Variants in CLIC4 observed in about 807,000 individuals in gnomAD.
CLIC4 encodes chloride intracellular channel protein 4.
Under a neutral mutation model 24.6 loss-of-function variants are expected in CLIC4, and 13 were observed. The ratio of observed to expected loss-of-function variants is 0.53; its 90% CI spans 0.34 to 0.84. The LOEUF (loss-of-function observed/expected upper bound fraction) is 0.84. Among genes scored for constraint, CLIC4 ranks in the 40% least tolerant of loss-of-function variants. The pLI is 0.01. For missense variants in CLIC4, 227 were observed against 301.7 expected (o/e 0.75, Z 1.83); for synonymous variants, 104 against 111.3 (o/e 0.93, Z 0.41).
chr1:24,784,765 G>C (rs1310790226), intron 1 of CLIC4, among the ~76,000 whole-genome samples: 2 of 152,074 alleles, frequency 1.3e-5, no homozygotes, highest in African/African-American at 4.8e-5. Flanking sequence ...CAGCACTTTG[G>C]GAGGCCGAGG....
chr1:24,824,675 C>T (rs188185152), intron 3 of CLIC4, among the ~76,000 whole-genome samples: 34 of 152,100 alleles, frequency 2.2e-4, no homozygotes, highest in African/African-American at 6.0e-4. Flanking sequence ...GGTGAACATT[C>T]TCTTATAGCT....
intron 2 of CLIC4, among the ~76,000 whole-genome samples, chr1:24,804,242 T>C (rs1433671498): frequency 6.6e-6 from 1 of 151,982 alleles, no homozygotes; most frequent in Non-Finnish European, 1.5e-5. Flanking sequence ...GACTCCATTT[T>C]TCCCCTTTGT....
intron 1 of CLIC4, among the ~76,000 whole-genome samples, chr1:24,785,915 AAGCCAG>A (rs1639262960): frequency 6.6e-6 from 1 of 151,922 alleles, no homozygotes; most frequent in African/African-American, 2.4e-5. Flanking sequence ...TAGGTAATAG[AAGCCAG>A]ATGACTTTGC....
intron 2 of CLIC4, among the ~76,000 whole-genome samples, chr1:24,811,028 G>A (rs1241006246): frequency 2.0e-5 from 3 of 151,146 alleles, no homozygotes; most frequent in South Asian, 2.1e-4. Flanking sequence ...GTAGTGAGCC[G>A]AGATCGCACC....
intron 1 of CLIC4, among the ~76,000 whole-genome samples, chr1:24,796,309 C>T (rs1322560867): frequency 2.0e-4 from 31 of 152,246 alleles, no homozygotes; most frequent in Non-Finnish European, 1.5e-5. Flanking sequence ...CTGCCTCAGC[C>T]TCGCAAGTAG....
intron 2 of CLIC4, among the ~76,000 whole-genome samples, chr1:24,799,769 G>A (rs531843957): frequency 0.2 from 19,632 of 99,582 alleles, 2,570 homozygotes; most frequent in Admixed American, 0.29. Context: ...CCCCCTGCCC[G>A]GCCAGCTGCC....
chr1:24,754,422 C>G (rs962311541), intron 1 of CLIC4, among the ~76,000 whole-genome samples: 3 of 152,062 alleles, frequency 2.0e-5, no homozygotes, highest in African/African-American at 7.2e-5. Context: ...AGCTGTGGAG[C>G]CTCCGTGTTC....
chr1:24,796,654 C>G (rs1404916178), intron 1 of CLIC4, among the ~76,000 whole-genome samples: 1 of 152,192 alleles, frequency 6.6e-6, no homozygotes, highest in Non-Finnish European at 1.5e-5. Context: ...GTGTAGTAGG[C>G]TATCTCATCT....
At chr1:24,800,551 C>T (rs1639475842) in intron 2 of CLIC4, among the ~76,000 whole-genome samples, 1 of 152,208 alleles carries the variant, frequency 6.6e-6, no homozygotes, top group African/African-American at 2.4e-5. Context: ...GGCCACCACC[C>T]CGTCTGGGAG....
intron 2 of CLIC4, among the ~76,000 whole-genome samples, chr1:24,808,903 C>T (rs1400319584): frequency 6.6e-6 from 1 of 152,020 alleles, no homozygotes; most frequent in African/African-American, 2.4e-5. Context: ...GTCTCAAACT[C>T]CCGACCTCAA....
At chr1:24,840,479 C>T (rs1342520935) in intron 5 of CLIC4, among the ~76,000 whole-genome samples, 2 of 152,160 alleles carry the variant, frequency 1.3e-5, no homozygotes, top group Non-Finnish European at 2.9e-5. Context: ...AAAAACAGAT[C>T]TAAAATAGCA....
chr1:24,751,070 G>T (rs931805763), intron 1 of CLIC4, among the ~76,000 whole-genome samples: 1 of 152,082 alleles, frequency 6.6e-6, no homozygotes, highest in Non-Finnish European at 1.5e-5. Flanking sequence ...TTTGGAATTA[G>T]AAACCACTTA....
chr1:24,807,039 C>G (rs1639557666), intron 2 of CLIC4, among the ~76,000 whole-genome samples: 2 of 152,002 alleles, frequency 1.3e-5, no homozygotes, highest in Non-Finnish European at 2.9e-5. Context: ...GGCGTGCTCT[C>G]TAGTCCCAGC....
At position 24,796,803 on chromosome 1, in the gene CLIC4, C is replaced by G. The variant is rs562698300; in HGVS notation, c.73-939C>G. Reference sequence around the variant, plus strand: ...AAATGAAACAAAAAAATTCAGTTCACTTGAACTAGCCCCATTACATACTCC... The same window carrying G: ...AAATGAAACAAAAAAATTCAGTTCAGTTGAACTAGCCCCATTACATACTCC... On this transcript the variant is annotated intron_variant, in intron 1 of 5. Coordinates refer to ENST00000374379, the MANE Select transcript of CLIC4 (RefSeq NM_013943.3). 1.7e-4 allele frequency among the ~76,000 whole-genome samples: 26 copies of G among 152,192 alleles called. No individual in the cohort carries two copies. In the South Asian group the frequency reaches 2.5e-3, roughly 15 times the overall value.
At chr1:24,781,309 ATT>A (rs540750422) in intron 1 of CLIC4, among the ~76,000 whole-genome samples, 2 of 140,234 alleles carry the variant, frequency 1.4e-5, no homozygotes, top group Non-Finnish European at 1.5e-5. Context: ...AAATTTTTGT[ATT>A]TTTTTTTTTT....
intron 2 of CLIC4, among the ~76,000 whole-genome samples, chr1:24,811,163 A>G (rs1349936730): frequency 1.3e-5 from 2 of 152,164 alleles, no homozygotes; most frequent in African/African-American, 4.8e-5. Flanking sequence ...AACATTTTTA[A>G]TGTAAAACAA....
chr1:24,780,208 G>A (rs1445851471), intron 1 of CLIC4, among the ~76,000 whole-genome samples: 5 of 152,254 alleles, frequency 3.3e-5, no homozygotes, highest in Admixed American at 3.3e-4. Context: ...CAACCATTAT[G>A]TGTACAAAGC....
chr1:24,761,258 T>C (rs1211328098), intron 1 of CLIC4, among the ~76,000 whole-genome samples: 1 of 152,130 alleles, frequency 6.6e-6, no homozygotes, highest in Non-Finnish European at 1.5e-5. Context: ...TCATAGAACC[T>C]ATCATCTACT....
Position 24,792,662 on chromosome 1 carries a change from C to T in CLIC4, c.73-5080C>T, listed in dbSNP as rs552404760. On this transcript the variant is annotated intron_variant, in intron 1 of 5. Transcript: ENST00000374379. The stretch of plus-strand genomic sequence containing the variant: ...GTAAAAAAGGGACTTTTTTCAGGTC[C>T]GTCTTGAAGAATATGCATCCTTTTA... Among the ~76,000 whole-genome samples, 66 of 152,130 alleles carry T rather than the reference C, an allele frequency of 4.3e-4. No homozygotes were observed. In the South Asian group the frequency reaches 0.01, roughly 23 times the overall value.
Sources: gnomAD v4.1 joint callset for allele counts (sites outside exome capture counted in the v4.1 genomes callset) on GRCh38, gnomAD v4.1.1 for gene constraint, MANE v1.5 for transcripts, NCBI Gene and HGNC (gene_info 2026-07-23, HGNC 2026-07-21) for gene names.